PLEKHM3: variants seen among roughly 807,000 people sequenced by gnomAD.
PLEKHM3 encodes pleckstrin homology domain containing M3.
PLEKHM3 carries 45 observed loss-of-function variants against 81.8 expected under a neutral mutation model. The observed-to-expected ratio is 0.55, with a 90% CI of 0.43 to 0.71. The LOEUF (loss-of-function observed/expected upper bound fraction) is 0.71, where lower values mean the gene tolerates loss of function less well. Ranked by LOEUF, PLEKHM3 falls within the 30% of genes least tolerant of loss-of-function variation. PLEKHM3 has a pLI of 0.00. For missense variants in PLEKHM3, 788 were observed against 924.3 expected, an observed-to-expected ratio of 0.85 and a Z score of 1.91; for synonymous variants, 352 against 356.4, an observed-to-expected ratio of 0.99 and a Z score of 0.14.
At chr2:208,012,618 T>G (rs553368616) in intron 1 of PLEKHM3, among the ~76,000 whole-genome samples, 1 of 152,270 alleles carries the variant, frequency 6.6e-6, no homozygotes, top group South Asian at 2.1e-4. Flanking sequence ...GTGAGAGAAG[T>G]GTGGCAATGG....
At chr2:207,877,501 G>A (rs1292663256) in intron 6 of PLEKHM3, among the ~76,000 whole-genome samples, 1 of 152,172 alleles carries the variant, frequency 6.6e-6, no homozygotes, top group Non-Finnish European at 1.5e-5. Context: ...TGTCCTTCAT[G>A]AATGTGACTA....
intron 1 of PLEKHM3, among the ~76,000 whole-genome samples, chr2:208,011,576 A>G (rs538106543): frequency 1.3e-5 from 2 of 152,154 alleles, no homozygotes; most frequent in African/African-American, 4.8e-5. Flanking sequence ...TCAAAGGCAT[A>G]AGAATGAGAA....
At chr2:207,831,935 A>G (rs1168056107) in intron 7 of PLEKHM3, among the ~76,000 whole-genome samples, 1 of 152,220 alleles carries the variant, frequency 6.6e-6, no homozygotes, top group Non-Finnish European at 1.5e-5. Context: ...TGGGTTAGTC[A>G]GTGATTTATA....
chr2:207,988,104 A>G (rs1417823232), intron 2 of PLEKHM3, among the ~76,000 whole-genome samples: 7 of 152,228 alleles, frequency 4.6e-5, no homozygotes, highest in Admixed American at 1.3e-4. Context: ...TCTGAAACAC[A>G]ATCCCCAGAA....
intron 4 of PLEKHM3, among the ~76,000 whole-genome samples, chr2:207,935,838 A>G (rs1245568285): frequency 6.6e-6 from 1 of 152,244 alleles, no homozygotes; most frequent in Non-Finnish European, 1.5e-5. Context: ...TACAGCAAGT[A>G]GGCTACAAAT....
At chr2:207,921,505 T>C (rs1179499935) in intron 5 of PLEKHM3, among the ~76,000 whole-genome samples, 2 of 152,234 alleles carry the variant, frequency 1.3e-5, no homozygotes, top group Non-Finnish European at 2.9e-5. Context: ...ATCATTTCTT[T>C]ATGGTGGGAA....
chr2:208,021,431 T>C (rs1693128557), intron 1 of PLEKHM3, among the ~76,000 whole-genome samples: 1 of 152,240 alleles, frequency 6.6e-6, no homozygotes, highest in African/African-American at 2.4e-5. Flanking sequence ...GAGAAATAAG[T>C]TTCCAACTTT....
Position 207,822,993 on chromosome 2 carries a change from T to C in PLEKHM3, c.*5326A>G, listed in dbSNP as rs1181661932. 2.6e-5 allele frequency: 4 copies of C among 152,312 alleles called. No individual in the cohort carries two copies. The highest frequency in any genetic ancestry group is 5.9e-5 in the Non-Finnish European group (4 of 68,136). The allele number at this position is 152,312 out of a possible 1,614,324, so 9.4% of individuals were successfully genotyped here. A position where few individuals can be genotyped will look rare whatever the true frequency, so the allele number is the denominator to read the frequency against. On this transcript the variant is annotated 3_prime_UTR_variant, in exon 8 of 8. Transcript: ENST00000427836. ...ATCCAGGGAAAAGAGAGAGGCTGGT[T>C]TGCAGCTTCACGGCCAATAGGAGGG...
At chr2:207,979,635 T>A (rs952357572) in intron 2 of PLEKHM3, among the ~76,000 whole-genome samples, 2 of 152,026 alleles carry the variant, frequency 1.3e-5, no homozygotes, top group Admixed American at 1.3e-4. Flanking sequence ...TGTTTCTCAA[T>A]CTCTTTGCCA....
chr2:207,891,387 G>A (rs1220547640), intron 6 of PLEKHM3, among the ~76,000 whole-genome samples: 2 of 152,154 alleles, frequency 1.3e-5, no homozygotes, highest in Non-Finnish European at 2.9e-5. Flanking sequence ...GTGAGGCAGG[G>A]AGTTTAATTG....
intron 3 of PLEKHM3, among the ~76,000 whole-genome samples, chr2:207,949,678 T>C (rs1400028306): frequency 6.6e-6 from 1 of 152,214 alleles, no homozygotes; most frequent in African/African-American, 2.4e-5. Context: ...AAAATGACAC[T>C]GAGTAGAATC....
At chr2:207,971,556 T>C (rs1691122168) in intron 3 of PLEKHM3, among the ~76,000 whole-genome samples, 1 of 152,092 alleles carries the variant, frequency 6.6e-6, no homozygotes, top group African/African-American at 2.4e-5. Flanking sequence ...ATTAAAACTT[T>C]TTTTAACTAA....
At chr2:207,936,752 T>C (rs1235763747) in intron 4 of PLEKHM3, among the ~76,000 whole-genome samples, 1 of 152,100 alleles carries the variant, frequency 6.6e-6, no homozygotes, top group Non-Finnish European at 1.5e-5. Flanking sequence ...ATATTCAATA[T>C]TATGTAAAAA....
intron 6 of PLEKHM3, among the ~76,000 whole-genome samples, chr2:207,861,609 A>G (rs1483683673): frequency 6.6e-6 from 1 of 152,176 alleles, no homozygotes; most frequent in African/African-American, 2.4e-5. Context: ...TCCCAGAGTA[A>G]ACTGAAAACA....
At chr2:207,889,005 C>T (rs1574374206) in intron 6 of PLEKHM3, among the ~76,000 whole-genome samples, 1 of 152,194 alleles carries the variant, frequency 6.6e-6, no homozygotes, top group Non-Finnish European at 1.5e-5. Context: ...GAGTTCCACA[C>T]TCTACCTATA....
chr2:207,906,589 A>G (rs1241690164), intron 6 of PLEKHM3, among the ~76,000 whole-genome samples: 4 of 151,910 alleles, frequency 2.6e-5, no homozygotes, highest in Non-Finnish European at 4.4e-5. Flanking sequence ...AGAAGTTTGA[A>G]ACCAGCCTGG....
chr2:207,909,991 G>C (rs1483432402), intron 5 of PLEKHM3, among the ~76,000 whole-genome samples: 1 of 152,222 alleles, frequency 6.6e-6, no homozygotes, highest in Non-Finnish European at 1.5e-5. Context: ...GTCCTGACCA[G>C]ATGGAGGACT....
At chr2:207,846,268 A>C (rs1317328581) in intron 7 of PLEKHM3, among the ~76,000 whole-genome samples, 1 of 151,950 alleles carries the variant, frequency 6.6e-6, no homozygotes, top group East Asian at 2.0e-4. Flanking sequence ...CAGCCTCTCA[A>C]GTAGCTGGGA....
intron 6 of PLEKHM3, chr2:207,901,095 T>C: frequency 1.7e-6 from 1 of 601,250 alleles, no homozygotes; most frequent in Admixed American, 2.8e-5. Context: ...AGTTGGCTCC[T>C]GGAATCCTTA....
Sources: allele counts gnomAD v4.1 joint callset (sites outside exome capture counted in the v4.1 genomes callset), GRCh38; gene constraint gnomAD v4.1.1; transcripts MANE v1.5; gene names NCBI Gene and HGNC (gene_info 2026-07-23, HGNC 2026-07-21).